ABCC4: variants seen among roughly 807,000 people sequenced by gnomAD.
ABCC4 encodes ATP binding cassette subfamily C member 4 (PEL blood group), also known as ATP-binding cassette sub-family C member 4.
ABCC4 carries 102 observed loss-of-function variants against 168.5 expected under a neutral mutation model. The observed-to-expected ratio is 0.61, with a 90% CI of 0.52 to 0.71. The LOEUF is 0.71. Ranked by LOEUF, ABCC4 falls within the 30% of genes least tolerant of loss-of-function variation. The pLI is 0.00. For missense variants in ABCC4, 1,402 were observed against 1,605.8 expected (o/e 0.87, Z 2.17); for synonymous variants, 617 against 590.7 (o/e 1.04, Z -0.65).
At chr13:95,106,572 G>C (rs2035013198) in intron 20 of ABCC4, among the ~76,000 whole-genome samples, 5 of 151,554 alleles carry the variant, frequency 3.3e-5, no homozygotes, top group African/African-American at 9.7e-5. Context: ...GGGAGGGAGG[G>C]TAGACAGTGA....
intron 18 of ABCC4, among the ~76,000 whole-genome samples, chr13:95,162,375 G>A (rs2037125926): frequency 6.6e-6 from 1 of 152,170 alleles, no homozygotes; most frequent in African/African-American, 2.4e-5. Flanking sequence ...AGCATTTCCT[G>A]TGGAAATATT....
chr13:95,139,128 C>T (rs914590119), intron 19 of ABCC4, among the ~76,000 whole-genome samples: 7 of 152,222 alleles, frequency 4.6e-5, no homozygotes, highest in African/African-American at 1.7e-4. Flanking sequence ...GGCCTAGCTC[C>T]AAACACAGTG....
chr13:95,299,464 G>A (rs145051303), intron 1 of ABCC4, among the ~76,000 whole-genome samples: 113 of 152,158 alleles, frequency 7.4e-4, no homozygotes, highest in African/African-American at 2.4e-3. Context: ...AAGAGTAAGC[G>A]ACTCATCCTC....
In ABCC4 at chr13:95,210,140, C is replaced by G. The variant is rs182018405; in HGVS notation, c.622-543G>C. 2.9e-3 allele frequency among the ~76,000 whole-genome samples: 436 copies of G among 152,294 alleles called. 3 individuals are homozygous for G. Among genetic ancestry groups the G allele is most frequent in the African/African-American group, 1.0e-2 (415 of 41,574 alleles). ...AGTGCAAAATGAATATGGCCAGCAGCTAGAATGCCCTGGAAAAATGATACC... is the reference window on the plus strand; with the variant it reads ...AGTGCAAAATGAATATGGCCAGCAGGTAGAATGCCCTGGAAAAATGATACC... On this transcript the variant is annotated intron_variant, in intron 5 of 30. Transcript: ENST00000645237.
intron 21 of ABCC4, among the ~76,000 whole-genome samples, chr13:95,077,703 G>C (rs2139321087): frequency 6.6e-6 from 1 of 152,114 alleles, no homozygotes. Flanking sequence ...GTGGGGGTAA[G>C]GGGCGGAGGG....
chr13:95,300,882 G>C (rs968948941), intron 1 of ABCC4, among the ~76,000 whole-genome samples: 1 of 152,174 alleles, frequency 6.6e-6, no homozygotes, highest in African/African-American at 2.4e-5. Context: ...GGGTGCAGTC[G>C]CTTCTCCCGC....
chr13:95,141,920 A>T (rs1051550093), intron 19 of ABCC4, among the ~76,000 whole-genome samples: 3 of 152,198 alleles, frequency 2.0e-5, no homozygotes, highest in African/African-American at 4.8e-5. Flanking sequence ...TCAGAGGACC[A>T]TCAATACATA....
intron 30 of ABCC4, among the ~76,000 whole-genome samples, chr13:95,022,647 T>C (rs1486440202): frequency 6.6e-6 from 1 of 152,206 alleles, no homozygotes; most frequent in East Asian, 1.9e-4. Context: ...ACAGAAAATG[T>C]AGCAACTATC....
At chr13:95,220,633 A>G (rs2039287673) in intron 4 of ABCC4, among the ~76,000 whole-genome samples, 1 of 152,228 alleles carries the variant, frequency 6.6e-6, no homozygotes, top group Admixed American at 6.5e-5. Flanking sequence ...TAATGCCTTC[A>G]TCTCTTTCAC....
intron 19 of ABCC4, among the ~76,000 whole-genome samples, chr13:95,153,745 G>A (rs942296642): frequency 1.3e-5 from 2 of 152,098 alleles, no homozygotes; most frequent in African/African-American, 4.8e-5. Context: ...CATTCTAGTA[G>A]ATTAAAAATT....
chr13:95,148,119 T>C (rs72643610), intron 19 of ABCC4, among the ~76,000 whole-genome samples: 6,751 of 152,286 alleles, frequency 0.044, 214 homozygotes, highest in Middle Eastern at 0.13. Context: ...GTACATTTTT[T>C]AAGACTACTA....
At chr13:95,260,173 AC>A (rs1566577953) in intron 1 of ABCC4, among the ~76,000 whole-genome samples, 1 of 152,166 alleles carries the variant, frequency 6.6e-6, no homozygotes, top group Admixed American at 6.5e-5. Context: ...GCTTTGACAC[AC>A]CAAATGGGAA....
intron 19 of ABCC4, among the ~76,000 whole-genome samples, chr13:95,160,420 G>C (rs1391657994): frequency 3.3e-5 from 5 of 152,166 alleles, no homozygotes; most frequent in Non-Finnish European, 7.4e-5. Flanking sequence ...AGGAACCCAG[G>C]TCAGGAAGGC....
At chr13:95,046,081 C>G (rs1391967814) in intron 27 of ABCC4, among the ~76,000 whole-genome samples, 1 of 152,168 alleles carries the variant, frequency 6.6e-6, no homozygotes, top group Non-Finnish European at 1.5e-5. Context: ...CTTAGTCAAA[C>G]CCTCTCCATT....
Position 95,219,196 on chromosome 13 carries a change from C to A in ABCC4, c.532-8415G>T, listed in dbSNP as rs866917406. 4.2e-4 allele frequency among the ~76,000 whole-genome samples: 64 copies of A among 152,304 alleles called. 1 individual carries two copies. The Middle Eastern group carries it at 0.01, about 24-fold the overall frequency. On this transcript the variant is annotated intron_variant, in intron 4 of 30. Coordinates refer to ENST00000645237, the MANE Select transcript of ABCC4 (RefSeq NM_005845.5). ...CTGTTCAAAGGGGGGCCACATCCCC[C>A]CACCATGGCTGAAAGACCCCTCAGC...
chr13:95,212,946 G>A (rs1256841345), intron 4 of ABCC4, among the ~76,000 whole-genome samples: 2 of 152,010 alleles, frequency 1.3e-5, no homozygotes, highest in Non-Finnish European at 2.9e-5. Flanking sequence ...TGGTCAACAC[G>A]GTGAATCCCT....
intron 11 of ABCC4, among the ~76,000 whole-genome samples, chr13:95,179,874 G>A (rs551416167): frequency 1.3e-5 from 2 of 152,190 alleles, no homozygotes; most frequent in Middle Eastern, 3.4e-3. Flanking sequence ...AAATATCCTG[G>A]AGAAACAAGA....
intron 1 of ABCC4, among the ~76,000 whole-genome samples, chr13:95,257,684 G>GA (rs1251484463): frequency 6.0e-5 from 9 of 149,526 alleles, no homozygotes; most frequent in Non-Finnish European, 8.9e-5. Flanking sequence ...GAAAGAAAAA[G>GA]AAAAAAAAAG....
chr13:95,085,989 TATCCTAC>T (rs1485930148), intron 20 of ABCC4, among the ~76,000 whole-genome samples: 6 of 132,966 alleles, frequency 4.5e-5, no homozygotes, highest in African/African-American at 1.7e-4. Flanking sequence ...CAAGATACTA[TATCCTAC>T]ACACGATTCA....
Sources: allele counts gnomAD v4.1 joint callset (sites outside exome capture counted in the v4.1 genomes callset), GRCh38; gene constraint gnomAD v4.1.1; transcripts MANE v1.5; gene names NCBI Gene and HGNC (gene_info 2026-07-23, HGNC 2026-07-21).